Variants in DLGAP4 observed in about 807,000 individuals in gnomAD.
DLGAP4 encodes disks large-associated protein 4.
A neutral mutation model predicts 86.9 loss-of-function variants in DLGAP4; 18 were observed. The ratio of observed to expected loss-of-function variants is 0.21; its 90% CI spans 0.14 to 0.31. The LOEUF is 0.31. Ranked by LOEUF, DLGAP4 falls within the 10% of genes least tolerant of loss-of-function variation. The probability of loss-of-function intolerance (pLI) is 1.00; values close to 1 mark genes in which losing one functional copy is unlikely to be tolerated. For missense variants in DLGAP4, 1,085 were observed against 1,362.6 expected, an observed-to-expected ratio of 0.80 and a Z score of 3.21; for synonymous variants, 548 against 574.3, an observed-to-expected ratio of 0.95 and a Z score of 0.65.
intron 11 of DLGAP4, 149 bp from the exon 12 acceptor site, chr20:36,525,702 C>G (rs918250805): frequency 1.9e-6 from 2 of 1,050,204 alleles, no homozygotes; most frequent in African/African-American, 3.2e-5. Context: ...GGCTTAGATT[C>G]ATTCATACAG....
At chr20:36,452,168 C>T (rs915325411) in intron 7 of DLGAP4, among the ~76,000 whole-genome samples, 2 of 152,100 alleles carry the variant, frequency 1.3e-5, no homozygotes, top group African/African-American at 4.8e-5. Context: ...TCTAAACGCT[C>T]CTTGAAGATC....
chr20:36,488,949 A>T lies in DLGAP4; in HGVS notation c.1649-7756A>T, dbSNP rs909956169. Among the ~76,000 whole-genome samples, 11 of 152,352 alleles carry T rather than the reference A, an allele frequency of 7.2e-5. No homozygotes were observed. The South Asian group carries it at 1.9e-3, about 26-fold the overall frequency. ...CAGCAGCACTATGACTCATGCATGG[A>T]TGAAGCGTACCTAACACTTTTCTCC... is the stretch of plus-strand genomic sequence containing the variant. On this transcript the variant is annotated intron_variant, in intron 7 of 12. Transcript: ENST00000339266.
chr20:36,405,863 C>T (rs555846104), intron 2 of DLGAP4, among the ~76,000 whole-genome samples: 18 of 152,274 alleles, frequency 1.2e-4, no homozygotes, highest in South Asian at 2.1e-4. Flanking sequence ...CCAAGAAACA[C>T]GCCAGGCTGG....
chr20:36,398,240 T>C (rs551044165), intron 2 of DLGAP4, among the ~76,000 whole-genome samples: 1 of 152,340 alleles, frequency 6.6e-6, no homozygotes, highest in South Asian at 2.1e-4. Flanking sequence ...CCAAGGGCTG[T>C]CGGACCCAAG....
At chr20:36,476,420 C>G (rs112692617) in intron 7 of DLGAP4, among the ~76,000 whole-genome samples, 5,449 of 149,458 alleles carry the variant, frequency 0.036, 156 homozygotes, top group South Asian at 0.066. Context: ...CTCCACCTCC[C>G]AGGTTCAAGC....
chr20:36,353,215 G>A (rs1416695842), intron 1 of DLGAP4, among the ~76,000 whole-genome samples: 1 of 152,210 alleles, frequency 6.6e-6, no homozygotes, highest in Non-Finnish European at 1.5e-5. Context: ...CCTGCAGAGC[G>A]GCTTTCCTGG....
chr20:36,436,978 C>G (rs1024878151), intron 4 of DLGAP4, among the ~76,000 whole-genome samples: 2 of 152,196 alleles, frequency 1.3e-5, no homozygotes, highest in African/African-American at 4.8e-5. Context: ...CAAGCCTCGT[C>G]CCCTAGGTGA....
intron 1 of DLGAP4, among the ~76,000 whole-genome samples, chr20:36,346,408 A>G (rs960263797): frequency 2.6e-5 from 4 of 152,230 alleles, no homozygotes; most frequent in Non-Finnish European, 5.9e-5. Flanking sequence ...AGGCCCAGAG[A>G]GGAACCATCC....
chr20:36,384,413 T>C (rs548538005), intron 2 of DLGAP4, among the ~76,000 whole-genome samples: 17 of 152,320 alleles, frequency 1.1e-4, no homozygotes, highest in Middle Eastern at 3.4e-3. Context: ...TCTGTTACCA[T>C]CTACCAGGCA....
chr20:36,336,020 G>A (rs2065318112), intron 1 of DLGAP4, among the ~76,000 whole-genome samples: 2 of 152,128 alleles, frequency 1.3e-5, no homozygotes, highest in African/African-American at 2.4e-5. Context: ...CTGTGGCCAG[G>A]GCCCTCCTCC....
chr20:36,451,073 G>A (rs565144154), intron 7 of DLGAP4, among the ~76,000 whole-genome samples: 33 of 152,204 alleles, frequency 2.2e-4, no homozygotes, highest in Non-Finnish European at 4.7e-4. Flanking sequence ...CCTTCCTAAA[G>A]AAAGTTAGGG....
At chr20:36,346,520 G>A (rs1272988320) in intron 1 of DLGAP4, among the ~76,000 whole-genome samples, 3 of 152,230 alleles carry the variant, frequency 2.0e-5, no homozygotes, top group Non-Finnish European at 4.4e-5. Flanking sequence ...TGGGGGAACA[G>A]AGCCCACAAA....
chr20:36,380,697 T>C (rs888743951), intron 2 of DLGAP4, among the ~76,000 whole-genome samples: 1 of 147,170 alleles, frequency 6.8e-6, no homozygotes, highest in African/African-American at 2.5e-5. Flanking sequence ...CCAGGGCCAG[T>C]GCAGTGATTC....
rs1333620736 is a variant in DLGAP4, at chr20:36,306,773, G to T, written c.-304+261G>T. 6.6e-6 allele frequency among the ~76,000 whole-genome samples: 1 copy of T among 152,302 alleles called. No individual in the cohort carries two copies. Among genetic ancestry groups the T allele is most frequent in the East Asian group, 1.9e-4 (1 of 5,166 alleles). On this transcript the variant is annotated intron_variant, in intron 1 of 12. Coordinates refer to ENST00000339266, the MANE Select transcript of DLGAP4 (RefSeq NM_001365621.2). The surrounding 1 kb of genome is among the most constrained non-coding windows in gnomAD (Gnocchi z 4.9). ...GTCTCCCCGGACCCTCAAATCGGGGGCGGCGGCACCGGGGCCCGGAACCCC... is the reference window on the plus strand; with the variant it reads ...GTCTCCCCGGACCCTCAAATCGGGGTCGGCGGCACCGGGGCCCGGAACCCC...
intron 12 of DLGAP4, among the ~76,000 whole-genome samples, chr20:36,526,307 C>T (rs1462337575): frequency 6.6e-6 from 1 of 152,104 alleles, no homozygotes; most frequent in Non-Finnish European, 1.5e-5. Context: ...CAAAAATGGT[C>T]CCTTCTCCTG....
At chr20:36,371,394 C>T (rs905002571) in intron 2 of DLGAP4, among the ~76,000 whole-genome samples, 1 of 152,236 alleles carries the variant, frequency 6.6e-6, no homozygotes, top group Non-Finnish European at 1.5e-5. Flanking sequence ...AAGACATACA[C>T]AGAATGAGGA....
At chr20:36,516,008 G>T (rs2037015358) in intron 10 of DLGAP4, among the ~76,000 whole-genome samples, 1 of 152,206 alleles carries the variant, frequency 6.6e-6, no homozygotes, top group South Asian at 2.1e-4. Context: ...AACTGTCAGA[G>T]TGCTGCTGGA....
chr20:36,454,640 C>G (rs573782084), intron 7 of DLGAP4, among the ~76,000 whole-genome samples: 2 of 152,196 alleles, frequency 1.3e-5, no homozygotes, highest in Non-Finnish European at 2.9e-5. Flanking sequence ...AGTGAGCAAT[C>G]GGGTCCTTTC....
At chr20:36,357,210 C>T (rs887387270) in intron 1 of DLGAP4, among the ~76,000 whole-genome samples, 2 of 152,162 alleles carry the variant, frequency 1.3e-5, no homozygotes, top group African/African-American at 4.8e-5. Flanking sequence ...CCCCAGAGCA[C>T]ACAGACCAGC....
Sources: gnomAD v4.1 joint callset for allele counts (sites outside exome capture counted in the v4.1 genomes callset) on GRCh38, gnomAD v4.1.1 for gene constraint, Gnocchi (gnomAD v3.1) non-coding constraint, MANE v1.5 for transcripts, NCBI Gene and HGNC (gene_info 2026-07-23, HGNC 2026-07-21) for gene names.